The following SLC12A7 variants were observed in gnomAD, a reference collection of about 807,000 sequenced individuals.
The protein encoded by SLC12A7 is K-Cl cotransporter 4.
SLC12A7 carries 100 observed loss-of-function variants against 120.6 expected under a neutral mutation model. That is an observed-to-expected ratio of 0.83 (90% CI 0.71 to 0.98). The LOEUF (loss-of-function observed/expected upper bound fraction) is 0.98. Among genes scored for constraint, SLC12A7 ranks in the 50% least tolerant of loss-of-function variants. The probability of loss-of-function intolerance (pLI) is 0.00; values close to 1 mark genes in which losing one functional copy is unlikely to be tolerated. For missense variants in SLC12A7, 1,373 were observed against 1,548.1 expected (o/e 0.89, Z 1.90); for synonymous variants, 760 against 678.0 (o/e 1.12, Z -1.88).
chr5:1,102,617 A>G (rs1742127521), intron 1 of SLC12A7, among the ~76,000 whole-genome samples: 1 of 152,194 alleles, frequency 6.6e-6, no homozygotes, highest in Non-Finnish European at 1.5e-5. Flanking sequence ...CCTGCAGAGC[A>G]GTGGCGGGTG....
At chr5:1,108,193 A>G (rs80038042) in intron 1 of SLC12A7, among the ~76,000 whole-genome samples, 3,819 of 152,316 alleles carry the variant, frequency 0.025, 119 homozygotes, top group East Asian at 0.13. Context: ...GCCCGCACAC[A>G]TGGACCCGGC....
the SLC12A7 span, among the ~76,000 whole-genome samples, chr5:1,151,063 G>A: frequency 2.0e-5 from 3 of 152,378 alleles, no homozygotes; most frequent in South Asian, 4.1e-4. This position sits in a 1 kb window ranked among gnomAD's most constrained non-coding sequence, Gnocchi z 6.2. Context: ...CGGAGATGGC[G>A]GGGCCAGAGC....
chr5:1,086,817 G>T, intron 6 of SLC12A7, 86 bp downstream of exon 6: 2 of 1,539,168 alleles, frequency 1.3e-6, no homozygotes, highest in South Asian at 1.2e-5. Flanking sequence ...AGTGTGCTGT[G>T]TGTGCCACAG....
intron 1 of SLC12A7, among the ~76,000 whole-genome samples, chr5:1,103,738 C>T (rs55950426): frequency 0.048 from 7,331 of 152,344 alleles, 596 homozygotes; most frequent in African/African-American, 0.16. Flanking sequence ...ACCCACGGGG[C>T]GGGGTGCCCA....
the SLC12A7 span, among the ~76,000 whole-genome samples, chr5:1,132,697 T>TC: frequency 2.0e-5 from 3 of 152,008 alleles, no homozygotes; most frequent in Non-Finnish European, 4.4e-5. Context: ...CCAGAACATC[T>TC]CCTTGGCGTG....
the SLC12A7 span, among the ~76,000 whole-genome samples, chr5:1,121,100 C>T: frequency 3.3e-5 from 5 of 152,228 alleles, no homozygotes; most frequent in South Asian, 2.1e-4. Context: ...TGCCCGCCAC[C>T]GTTCCCCAAG....
chr5:1,057,457 G>T lies in SLC12A7; in HGVS notation c.3026+14C>A. ...AGGATCTGTTCCCCCCAGGCCACAC[G>T]CACGGACACTCACGGCTTCATGCTG... On this transcript the variant is annotated intron_variant, in intron 22 of 23. Coordinates refer to ENST00000264930, the MANE Select transcript of SLC12A7 (RefSeq NM_006598.3). 1 of 1,601,438 alleles carries T rather than the reference G, an allele frequency of 6.2e-7. No individual in the cohort carries two copies.
At chr5:1,148,205 CTTTTTTT>C in the SLC12A7 span, among the ~76,000 whole-genome samples, 42 of 107,638 alleles carry the variant, frequency 3.9e-4, 1 homozygote, top group African/African-American at 1.5e-3. Flanking sequence ...TTCTTTCTTT[CTTTTTTT>C]TTTTTTTTTT....
chr5:1,122,042 C>G, the SLC12A7 span, among the ~76,000 whole-genome samples: 1 of 152,190 alleles, frequency 6.6e-6, no homozygotes. Flanking sequence ...TGTGGAGGCC[C>G]TGTCTCCCAG....
the SLC12A7 span, among the ~76,000 whole-genome samples, chr5:1,140,422 G>T: frequency 6.6e-6 from 1 of 152,252 alleles, no homozygotes; most frequent in South Asian, 2.1e-4. Context: ...ACACTGGTAA[G>T]CAGGGGAGGA....
At chr5:1,131,249 C>T in the SLC12A7 span, among the ~76,000 whole-genome samples, 1 of 152,132 alleles carries the variant, frequency 6.6e-6, no homozygotes, top group Non-Finnish European at 1.5e-5. Flanking sequence ...GCAGGGACAC[C>T]GTCCCTCCCG....
intron 21 of SLC12A7, among the ~76,000 whole-genome samples, chr5:1,059,801 GCTTCCCTCCCTCCCTGCACACTCACT>G (rs1735997251): frequency 6.6e-6 from 1 of 151,158 alleles, no homozygotes; most frequent in Non-Finnish European, 1.5e-5. Context: ...CCTCCAGCTC[GCTTCCCTCCCTCCCTGCACACTCACT>G]CTCCCCTCCC....
intron 17 of SLC12A7, among the ~76,000 whole-genome samples, chr5:1,068,948 C>A (rs1040676275): frequency 2.0e-5 from 3 of 152,274 alleles, no homozygotes; most frequent in Admixed American, 2.0e-4. Flanking sequence ...GCCAGCAGGG[C>A]AGTTCCAACT....
chr5:1,105,187 T>C, intron 1 of SLC12A7, among the ~76,000 whole-genome samples: 1 of 139,758 alleles, frequency 7.2e-6, no homozygotes, highest in South Asian at 2.4e-4. Flanking sequence ...GATGAGGTCC[T>C]GCAGTCACCC....
the SLC12A7 span, among the ~76,000 whole-genome samples, chr5:1,136,862 C>T: frequency 2.7e-5 from 4 of 145,860 alleles, no homozygotes; most frequent in Non-Finnish European, 6.0e-5. Flanking sequence ...CAGCAGGACA[C>T]GCAGGCACAC....
chr5:1,088,279 G>A (rs767346620), intron 5 of SLC12A7, 27 bp downstream of exon 5: 42 of 1,571,870 alleles, frequency 2.7e-5, no homozygotes, highest in Non-Finnish European at 3.5e-5. Context: ...ACAGGACTCA[G>A]GGCCGCGGCT....
intron 12 of SLC12A7, among the ~76,000 whole-genome samples, chr5:1,077,494 A>G (rs907150609): frequency 1.3e-5 from 2 of 152,212 alleles, no homozygotes; most frequent in Non-Finnish European, 2.9e-5. Context: ...TGAAGAGCTC[A>G]GCCACACAGA....
intron 1 of SLC12A7, among the ~76,000 whole-genome samples, chr5:1,103,011 C>T (rs966472061): frequency 1.3e-5 from 2 of 152,188 alleles, no homozygotes; most frequent in Non-Finnish European, 2.9e-5. Context: ...GTTTAGGTTC[C>T]AGGATCCGAA....
At chr5:1,152,322 G>A in the SLC12A7 span, among the ~76,000 whole-genome samples, 1,525 of 152,318 alleles carry the variant, frequency 0.01, 21 homozygotes, top group Middle Eastern at 0.044. Flanking sequence ...CTGACTCTGC[G>A]GCCGGCCACC....
Sources: gnomAD v4.1 joint callset for allele counts (sites outside exome capture counted in the v4.1 genomes callset) on GRCh38, gnomAD v4.1.1 for gene constraint, Gnocchi (gnomAD v3.1) non-coding constraint, MANE v1.5 for transcripts, NCBI Gene and HGNC (gene_info 2026-07-23, HGNC 2026-07-21) for gene names.